The following VPS13C variants were observed in gnomAD, a reference collection of about 807,000 sequenced individuals.
VPS13C encodes vacuolar protein sorting 13 homolog C.
Under a neutral mutation model 456.8 loss-of-function variants are expected in VPS13C, and 358 were observed. The ratio of observed to expected loss-of-function variants is 0.78; its 90% CI spans 0.72 to 0.86. The LOEUF (loss-of-function observed/expected upper bound fraction) is 0.86. Among genes scored for constraint, VPS13C ranks in the 40% least tolerant of loss-of-function variants. The pLI is 0.00. For synonymous variants in VPS13C, 1,578 were observed against 1,486.7 expected (o/e 1.06, Z -1.41); for missense variants, 4,818 against 4,385.4 (o/e 1.10, Z -2.79).
intron 66 of VPS13C, among the ~76,000 whole-genome samples, chr15:61,895,701 A>C (rs1231724986): frequency 6.6e-6 from 1 of 152,218 alleles, no homozygotes; most frequent in East Asian, 1.9e-4. Context: ...ATAAGCCAGG[A>C]ACAGAAAGTT....
In VPS13C at chr15:61,867,160, C is replaced by T. The variant is rs1894653618; in HGVS notation, c.10863+1499G>A. On this transcript the variant is annotated intron_variant, in intron 81 of 84. Coordinates refer to ENST00000644861, the MANE Select transcript of VPS13C (RefSeq NM_020821.3). This position sits in a 1 kb window ranked among gnomAD's most constrained non-coding sequence, Gnocchi z 5.0. ...TATTCAAGTGCCACACAGCAATTTG[C>T]CTAATTACATGTTCAACTTCTATCT... The T allele has an allele frequency of 1.0e-6, 1 of 983,604 alleles. No homozygotes were observed. Among genetic ancestry groups the T allele is most frequent in the African/African-American group, 1.8e-5 (1 of 57,140 alleles). 60.9% of individuals were successfully genotyped at this position (983,604 alleles called of 1,614,324 possible).
chr15:61,961,284 C>T (rs1454432386), intron 35 of VPS13C, among the ~76,000 whole-genome samples: 3 of 151,494 alleles, frequency 2.0e-5, no homozygotes, highest in Non-Finnish European at 2.9e-5. Flanking sequence ...CCCAGCTACT[C>T]GGGAGGCTGA....
At chr15:62,054,210 T>C (rs1456348374) in intron 1 of VPS13C, among the ~76,000 whole-genome samples, 1 of 152,170 alleles carries the variant, frequency 6.6e-6, no homozygotes, top group Non-Finnish European at 1.5e-5. Context: ...AATTTATCTA[T>C]TGGTACCAGT....
rs116507802 is a variant in VPS13C at position 61,983,936 on chromosome 15, T to G, written c.1798A>C (p.Ile600Leu). The change falls in exon 20 of 85, where the codon ATT becomes CTT. Residue 600 changes from isoleucine (I) to leucine (L), a missense_variant. Around this residue, in one of 3 missense-constraint regions of VPS13C, gnomAD observed 4,552 missense variants for 4,130.6 expected, o/e 1.10. Coordinates refer to ENST00000644861, the MANE Select transcript of VPS13C (RefSeq NM_020821.3). ...QDIVPSLVASIGDTTSSLLKI... is the reference protein window; with the variant it reads ...QDIVPSLVASLGDTTSSLLKI... Reference sequence around the variant, plus strand: ...AGCAAGGATGATGTAGTGTCACCAATTGAAGCCACAAGTGATGGCACAATA... The same window carrying G: ...AGCAAGGATGATGTAGTGTCACCAAGTGAAGCCACAAGTGATGGCACAATA... 54 of 1,614,044 alleles carry G rather than the reference T, an allele frequency of 3.3e-5. 1 individual carries two copies. The South Asian group carries it at 5.8e-4, about 17-fold the overall frequency.
In VPS13C at chr15:61,964,971, A is replaced by C. The variant is rs1025211503; in HGVS notation, c.3052-110T>G. 4.1e-6 allele frequency: 4 copies of C among 976,924 alleles called. No homozygotes were observed. The African/African-American group carries it at 4.9e-5, about 12-fold the overall frequency. 60.5% of individuals were successfully genotyped at this position (976,924 alleles called of 1,614,324 possible). ...TGGGCTTACATCATTGCTTTCCACC[A>C]CTCTGAAGGAAGAGTAAAAAGTGGA... On this transcript the variant is annotated intron_variant, in intron 30 of 84. Transcript: ENST00000644861.
intron 37 of VPS13C, among the ~76,000 whole-genome samples, chr15:61,958,192 G>A (rs1410148633): frequency 1.3e-5 from 2 of 151,672 alleles, no homozygotes; most frequent in African/African-American, 4.8e-5. Context: ...ATTATCTTTG[G>A]AAAGTGATAA....
chr15:61,854,657 G>T, intron 84 of VPS13C, 99 bp from the exon 85 acceptor site: 1 of 1,277,124 alleles, frequency 7.8e-7, no homozygotes, highest in Non-Finnish European at 1.1e-6. Context: ...TCTCCAAACA[G>T]GACCAACAGC....
intron 66 of VPS13C, among the ~76,000 whole-genome samples, chr15:61,892,151 A>T (rs576006359): frequency 6.6e-6 from 1 of 152,316 alleles, no homozygotes; most frequent in South Asian, 2.1e-4. Context: ...TTAGGAAGAG[A>T]AAACCCCCAA....
chr15:62,027,926 T>C (rs917721502), intron 6 of VPS13C, among the ~76,000 whole-genome samples: 1 of 152,062 alleles, frequency 6.6e-6, no homozygotes, highest in African/African-American at 2.4e-5. Flanking sequence ...GAACACCTCC[T>C]GTCACGGTTC....
Position 61,966,145 on chromosome 15 carries a change from G to A in VPS13C, c.2992-3C>T, listed in dbSNP as rs1222079063. ...AAACTAGGTCCATTCTTATCAGCCTGAAAAAAGAAGTAAAAGTTCTAAAGA... is the reference window on the plus strand; with the variant it reads ...AAACTAGGTCCATTCTTATCAGCCTAAAAAAAGAAGTAAAAGTTCTAAAGA... On this transcript the variant is annotated splice_region_variant and splice_polypyrimidine_tract_variant and intron_variant, in intron 29 of 84. Transcript: ENST00000644861. The A allele has an allele frequency of 3.8e-6, 6 of 1,598,146 alleles. No homozygotes were observed. The highest frequency in any genetic ancestry group is 5.1e-6 in the Non-Finnish European group (6 of 1,171,880).
chr15:61,891,092 C>T (rs2140072989), intron 66 of VPS13C, among the ~76,000 whole-genome samples: 1 of 152,178 alleles, frequency 6.6e-6, no homozygotes, highest in Middle Eastern at 3.4e-3. Context: ...ACCAGCCTAG[C>T]TTATTTTTAT....
At chr15:61,869,114 T>C (rs1894809067) in intron 80 of VPS13C, among the ~76,000 whole-genome samples, 1 of 109,540 alleles carries the variant, frequency 9.1e-6, no homozygotes, top group Admixed American at 1.1e-4. Context: ...CTTTTCTTTT[T>C]TCTTTTTTTT....
intron 1 of VPS13C, among the ~76,000 whole-genome samples, chr15:62,051,747 C>T (rs534009674): frequency 1.3e-5 from 2 of 152,116 alleles, no homozygotes; most frequent in South Asian, 4.2e-4. Context: ...ACAGGCAGAA[C>T]GGTAGGATAG....
chr15:61,920,407 C>G, intron 56 of VPS13C, 76 bp from the exon 57 acceptor site: 1 of 1,495,402 alleles, frequency 6.7e-7, no homozygotes, highest in Non-Finnish European at 8.9e-7. Context: ...CATAATTACA[C>G]ATTTTTTGGA....
chr15:61,858,104 C>T lies in VPS13C; in HGVS notation c.10953-1695G>A, dbSNP rs928519046. Among the ~76,000 whole-genome samples the T allele has an allele frequency of 5.3e-5, 8 of 152,140 alleles. No individual in the cohort carries two copies. The highest frequency in any genetic ancestry group is 1.9e-4 in the African/African-American group (8 of 41,420). On this transcript the variant is annotated intron_variant, in intron 82 of 84. Transcript: ENST00000644861. This position sits in a 1 kb window ranked among gnomAD's most constrained non-coding sequence, Gnocchi z 4.4. Reference sequence around the variant, plus strand: ...AGAGCTAAGGATGGCTGTCACAAATCCTCGTGCCAAACACAATTCACTATT... The same window carrying T: ...AGAGCTAAGGATGGCTGTCACAAATTCTCGTGCCAAACACAATTCACTATT...
At chr15:61,904,807 G>T (rs1248038458) in intron 66 of VPS13C, among the ~76,000 whole-genome samples, 2 of 152,012 alleles carry the variant, frequency 1.3e-5, no homozygotes, top group Non-Finnish European at 2.9e-5. Context: ...TAATAAAAAT[G>T]ACTGAAATCC....
intron 18 of VPS13C, among the ~76,000 whole-genome samples, chr15:61,987,253 A>G (rs1355328552): frequency 6.6e-6 from 1 of 152,120 alleles, no homozygotes; most frequent in Non-Finnish European, 1.5e-5. Flanking sequence ...GTCTTACTTT[A>G]AGACTTATAA....
At position 61,878,548 on chromosome 15, in the gene VPS13C, T is replaced by C. The variant is rs572838437; in HGVS notation, c.10142+59A>G. Reference sequence around the variant, plus strand: ...ACATTGCACAAGTGGAGAGAATTAATGTCTAGAAACATGACCTTGGTACAC... The same window carrying C: ...ACATTGCACAAGTGGAGAGAATTAACGTCTAGAAACATGACCTTGGTACAC... On this transcript the variant is annotated intron_variant, in intron 74 of 84. Transcript: ENST00000644861. 9 of 1,573,968 alleles carry C rather than the reference T, an allele frequency of 5.7e-6. No homozygotes were observed. The Admixed American group carries it at 1.6e-4, about 27-fold the overall frequency.
At chr15:61,877,201 C>T in intron 74 of VPS13C, 147 bp from the exon 75 acceptor site, 1 of 515,870 alleles carries the variant, frequency 1.9e-6, no homozygotes, top group Non-Finnish European at 3.4e-6. Flanking sequence ...TTATGATTGT[C>T]TTAATAATGG....
Sources: allele counts gnomAD v4.1 joint callset (sites outside exome capture counted in the v4.1 genomes callset), GRCh38; gene constraint gnomAD v4.1.1; regional missense constraint gnomAD v4.1.1; non-coding constraint Gnocchi (gnomAD v3.1); transcripts MANE v1.5; gene names NCBI Gene and HGNC (gene_info 2026-07-23, HGNC 2026-07-21).